Variants in COL6A6 observed in about 807,000 individuals in gnomAD.
COL6A6 encodes the protein collagen alpha-6(VI) chain.
In COL6A6, 183 loss-of-function variants were observed where a neutral mutation model predicts 208.6. That is an observed-to-expected ratio of 0.88 (90% CI 0.78 to 0.99). The LOEUF (loss-of-function observed/expected upper bound fraction) is 0.99, where lower values mean the gene tolerates loss of function less well. Ranked by LOEUF, COL6A6 falls within the 50% of genes least tolerant of loss-of-function variation. The probability of loss-of-function intolerance (pLI) is 0.00; values close to 1 mark genes in which losing one functional copy is unlikely to be tolerated. For synonymous variants in COL6A6, 973 were observed against 1,011.8 expected (o/e 0.96, Z 0.73); for missense variants, 2,816 against 2,815.2 (o/e 1.00, Z -0.01).
intron 36 of COL6A6, among the ~76,000 whole-genome samples, chr3:130,667,534 T>C (rs2066106217): frequency 6.6e-6 from 1 of 152,092 alleles, no homozygotes; most frequent in Non-Finnish European, 1.5e-5. Flanking sequence ...CCACCGAACC[T>C]GGCCTAAACA....
At chr3:130,623,449 A>T in intron 24 of COL6A6, among the ~76,000 whole-genome samples, 1 of 152,184 alleles carries the variant, frequency 6.6e-6, no homozygotes, top group Non-Finnish European at 1.5e-5. Flanking sequence ...ACAGAGTAAG[A>T]CTCCATCTCA....
chr3:130,569,768 T>C (rs571262156), intron 6 of COL6A6, among the ~76,000 whole-genome samples: 1 of 152,190 alleles, frequency 6.6e-6, no homozygotes, highest in African/African-American at 2.4e-5. Context: ...ACATAGTTCT[T>C]CTACGTAAAT....
In COL6A6 at chr3:130,675,266, C is replaced by T. The variant is rs376137272; in HGVS notation, c.6661C>T (p.Gln2221Ter). 5 of 1,585,582 alleles carry T rather than the reference C, an allele frequency of 3.2e-6. No homozygotes were observed. Among genetic ancestry groups the T allele is most frequent in the Non-Finnish European group, 4.3e-6 (5 of 1,164,612 alleles). Residue 2221 changes from glutamine (Q) to a stop codon, truncating the protein, a stop_gained, in exon 37 of 37, where the codon CAA (glutamine) becomes TAA (stop). Transcript: ENST00000358511. LOFTEE classifies it low-confidence loss of function (END_TRUNC). ...TGTATTACAGAAGGCAAAATTCTTT[C>T]AAGATAAAAAATATCTTTCAAGAGT... ...EDVLQKAKFFQDKKYLSRVAR... is the reference protein window; with the variant it reads ...EDVLQKAKFF
At chr3:130,628,084 A>G (rs996769226) in intron 26 of COL6A6, among the ~76,000 whole-genome samples, 2 of 152,230 alleles carry the variant, frequency 1.3e-5, no homozygotes, top group South Asian at 4.1e-4. Context: ...AAAATATTGA[A>G]GGATGAACAT....
Position 130,565,413 on chromosome 3 carries a change from A to C in COL6A6, c.1081A>C (p.Thr361Pro), listed in dbSNP as rs745924491. The C allele has an allele frequency of 6.2e-7, 1 of 1,613,946 alleles. No homozygotes were observed. Among genetic ancestry groups the C allele is most frequent in the South Asian group, 1.1e-5 (1 of 91,080 alleles). The change falls in exon 4 of 37, where the codon ACC (threonine) becomes CCC (proline). Residue 361 changes from threonine (T) to proline (P), a missense_variant. Transcript: ENST00000358511. Reference protein sequence around the residue: ...AAVNLRREGVTIFTLGIEGAS... With the variant: ...AAVNLRREGVPIFTLGIEGAS... ...TGTTAACCTCCGACGGGAGGGTGTG[A>C]CCATCTTCACCCTGGGCATAGAGGG...
chr3:130,668,181 T>C, intron 36 of COL6A6, among the ~76,000 whole-genome samples: 1 of 151,570 alleles, frequency 6.6e-6, no homozygotes. Context: ...GAAAACAAAA[T>C]AAAATCCAGC....
rs140234583 is a variant in COL6A6 at position 130,550,859 on chromosome 3, T to G, written c.-31-9475T>G. 3.8e-3 allele frequency among the ~76,000 whole-genome samples: 585 copies of G among 152,326 alleles called. 9 individuals are homozygous for G. In the East Asian group the frequency reaches 0.041, roughly 11 times the overall value. On this transcript the variant is annotated intron_variant, in intron 1 of 36. Coordinates refer to ENST00000358511, the MANE Select transcript of COL6A6 (RefSeq NM_001102608.3). ...CTTCAATCCCCAGTTTGTTGAGGGTTTTTAACATGAAGGGATGTTGAATTT... is the reference window on the plus strand; with the variant it reads ...CTTCAATCCCCAGTTTGTTGAGGGTGTTTAACATGAAGGGATGTTGAATTT...
chr3:130,539,742 C>T (rs2062315299), intron 1 of COL6A6, among the ~76,000 whole-genome samples: 1 of 152,176 alleles, frequency 6.6e-6, no homozygotes. Context: ...ATGCTCTTCA[C>T]TTCCTTGTTT....
chr3:130,620,238 A>G (rs1358387440), intron 23 of COL6A6, among the ~76,000 whole-genome samples: 3 of 152,128 alleles, frequency 2.0e-5, no homozygotes, highest in Admixed American at 6.5e-5. Context: ...TAGAAGTGAT[A>G]TGTGAATTCA....
chr3:130,608,847 A>C, intron 21 of COL6A6, 55 bp from the exon 22 acceptor site: 1 of 1,328,470 alleles, frequency 7.5e-7, no homozygotes. Flanking sequence ...TTGCAGGTAA[A>C]GGAGACAAAA....
chr3:130,567,494 C>G (rs1031607085), intron 5 of COL6A6, among the ~76,000 whole-genome samples: 2 of 152,198 alleles, frequency 1.3e-5, no homozygotes, highest in African/African-American at 2.4e-5. Context: ...TATTAATCAG[C>G]TTCCTCTCAC....
intron 10 of COL6A6, among the ~76,000 whole-genome samples, chr3:130,585,489 TG>T (rs2063517926): frequency 6.6e-6 from 1 of 152,226 alleles, no homozygotes; most frequent in South Asian, 2.1e-4. Flanking sequence ...TATCAACAAA[TG>T]ATAGCACTGT....
intron 28 of COL6A6, 127 bp downstream of exon 28, chr3:130,635,888 G>A: frequency 1.5e-6 from 1 of 666,220 alleles, no homozygotes; most frequent in Non-Finnish European, 2.6e-6. Context: ...TTTCTATTAA[G>A]GCAAACTTGG....
At chr3:130,526,957 A>G (rs916715925) in intron 1 of COL6A6, among the ~76,000 whole-genome samples, 2 of 152,232 alleles carry the variant, frequency 1.3e-5, no homozygotes, top group African/African-American at 2.4e-5. Flanking sequence ...ATCTTATTCT[A>G]TAGATAAGGA....
intron 1 of COL6A6, among the ~76,000 whole-genome samples, chr3:130,531,065 CT>C (rs2065391626): frequency 7.7e-6 from 1 of 129,804 alleles, no homozygotes; most frequent in African/African-American, 3.6e-5. Context: ...CACACAGTCT[CT>C]CTCTCTCTCT....
At chr3:130,608,831 G>C (rs1477967199) in intron 21 of COL6A6, 71 bp from the exon 22 acceptor site, 2 of 501,154 alleles carry the variant, frequency 4.0e-6, no homozygotes, top group Non-Finnish European at 6.2e-6. Flanking sequence ...AAAAATATTT[G>C]TAAGCTTGCA....
At chr3:130,549,509 T>G (rs2062595418) in intron 1 of COL6A6, among the ~76,000 whole-genome samples, 3 of 152,222 alleles carry the variant, frequency 2.0e-5, no homozygotes, top group Admixed American at 2.0e-4. Context: ...CTTCCAGGGT[T>G]TTTGTACTTG....
At chr3:130,611,396 G>A (rs1025755413) in intron 23 of COL6A6, among the ~76,000 whole-genome samples, 11 of 152,102 alleles carry the variant, frequency 7.2e-5, no homozygotes, top group Non-Finnish European at 5.9e-5. Flanking sequence ...TTAATAGAAC[G>A]GCCCTACATG....
intron 34 of COL6A6, among the ~76,000 whole-genome samples, chr3:130,660,985 T>C (rs967607952): frequency 1.3e-5 from 2 of 152,230 alleles, no homozygotes; most frequent in Non-Finnish European, 2.9e-5. Flanking sequence ...ATCCCGTTTT[T>C]ATTACTATGC....
Sources: gnomAD v4.1 joint callset for allele counts (sites outside exome capture counted in the v4.1 genomes callset) on GRCh38, gnomAD v4.1.1 for gene constraint, MANE v1.5 for transcripts, NCBI Gene and HGNC (gene_info 2026-07-23, HGNC 2026-07-21) for gene names.